GLI3: variants seen among roughly 807,000 people sequenced by gnomAD.
GLI3 encodes transcription activator GLI3.
A neutral mutation model predicts 100.8 loss-of-function variants in GLI3; 20 were observed. The ratio of observed to expected loss-of-function variants is 0.20; its 90% confidence interval spans 0.14 to 0.29. The LOEUF is 0.29. Among genes scored for constraint, GLI3 ranks in the 10% least tolerant of loss-of-function variants. GLI3 has a pLI of 1.00. For missense variants in GLI3, 2,040 were observed against 2,128.5 expected, an observed-to-expected ratio of 0.96 and a Z score of 0.82; for synonymous variants, 938 against 860.5, an observed-to-expected ratio of 1.09 and a Z score of -1.58.
chr7:42,086,919 A>G (rs1357707004), intron 3 of GLI3, among the ~76,000 whole-genome samples: 1 of 152,176 alleles, frequency 6.6e-6, no homozygotes, highest in Non-Finnish European at 1.5e-5. Flanking sequence ...CAACACAGCC[A>G]TGGGGGTGAG....
Position 42,026,248 on chromosome 7 carries a change from G to T in GLI3, c.1193C>A (p.Thr398Lys), listed in dbSNP as rs529978440. The T allele has an allele frequency of 6.2e-7, 1 of 1,613,982 alleles. No homozygotes were observed. Among genetic ancestry groups the T allele is most frequent in the East Asian group, 2.2e-5 (1 of 44,874 alleles). ...PTQRPIPGIP[T>K]VLNPVQVSSG... ...GCTGACCTGGACGGGGTTCAGAACC[G>T]TAGGGATCCCTGGAATAGGCCTCTG... The change falls in exon 8 of 15, where the codon ACG becomes AAG. Residue 398 changes from threonine (T) to lysine (K), a missense_variant. By Grantham distance (78) the Thr-to-Lys change is moderately conservative. Coordinates refer to ENST00000395925, the MANE Select transcript of GLI3 (RefSeq NM_000168.6).
At chr7:42,001,989 C>A (rs552464009) in intron 10 of GLI3, among the ~76,000 whole-genome samples, 2 of 151,936 alleles carry the variant, frequency 1.3e-5, no homozygotes, top group Non-Finnish European at 2.9e-5. Context: ...TAAGCAAAAA[C>A]ACTATTTTTA....
intron 2 of GLI3, among the ~76,000 whole-genome samples, chr7:42,215,231 G>A (rs529026150): frequency 2.0e-4 from 31 of 152,064 alleles, no homozygotes; most frequent in African/African-American, 6.5e-4. Context: ...GTGAACTTAC[G>A]GATTTTCAAA....
At chr7:42,237,446 G>A (rs1370885068), upstream of GLI3, among the ~76,000 whole-genome samples, 1 of 152,018 alleles carries the variant, frequency 6.6e-6, no homozygotes, top group Non-Finnish European at 1.5e-5. Flanking sequence ...CTGGTGCCCC[G>A]TGCTGGGTGG....
intron 3 of GLI3, 96 bp from the exon 4 acceptor site, chr7:42,076,953 T>C: frequency 2.6e-6 from 2 of 762,262 alleles, no homozygotes; most frequent in Non-Finnish European, 4.7e-6. Context: ...GTATCTTCAC[T>C]ACCTACACTT....
At chr7:42,216,144 A>G (rs1032634877) in intron 2 of GLI3, among the ~76,000 whole-genome samples, 1 of 152,168 alleles carries the variant, frequency 6.6e-6, no homozygotes, top group Non-Finnish European at 1.5e-5. Context: ...CCTGGCTTCT[A>G]ACTGCACAAC....
chr7:42,216,422 T>A (rs1583655004), intron 2 of GLI3, among the ~76,000 whole-genome samples: 1 of 152,172 alleles, frequency 6.6e-6, no homozygotes. Context: ...GTGGTGGATA[T>A]GTGACATACA....
intron 2 of GLI3, among the ~76,000 whole-genome samples, chr7:42,202,151 G>T (rs945082824): frequency 1.3e-5 from 2 of 150,264 alleles, no homozygotes; most frequent in African/African-American, 4.9e-5. Flanking sequence ...GTCCATTGTT[G>T]ATCCATCATC....
Position 41,964,649 on chromosome 7 carries a change from T to C in GLI3, c.4424A>G (p.Lys1475Arg), listed in dbSNP as rs771312835. 2 of 1,614,012 alleles carry C rather than the reference T, an allele frequency of 1.2e-6. No individual in the cohort carries two copies. The highest frequency in any genetic ancestry group is 1.7e-6 in the Non-Finnish European group (2 of 1,179,948). Residue 1475 changes from lysine to arginine, a missense_variant, in exon 15 of 15, where the codon AAA becomes AGA. Physicochemically the swap from Lys to Arg is conservative, Grantham distance 26. This residue lies in a region of GLI3 where 1,041 missense variants were observed against 924.0 expected (regional missense o/e 1.13). Transcript: ENST00000395925. ...ASCLLQGTSA[K>R]NSELLSPGAN... ...ACCTGGGGAAAGTAACTCAGAGTTT[T>C]TGGCGCTGGTCCCCTGTAGCAGGCA...
At chr7:42,172,030 G>A (rs1583619701) in intron 2 of GLI3, among the ~76,000 whole-genome samples, 1 of 152,070 alleles carries the variant, frequency 6.6e-6, no homozygotes, top group Admixed American at 6.6e-5. Context: ...TCATGCATGA[G>A]ATCTCAGCTA....
At chr7:42,228,067 G>GTT (rs1788617944) in intron 1 of GLI3, among the ~76,000 whole-genome samples, 2 of 152,200 alleles carry the variant, frequency 1.3e-5, no homozygotes, top group African/African-American at 4.8e-5. Flanking sequence ...CCCTGCCCGA[G>GTT]GTCCCAGGCC....
chr7:42,032,130 A>G (rs2128735060), intron 7 of GLI3, among the ~76,000 whole-genome samples: 1 of 152,312 alleles, frequency 6.6e-6, no homozygotes, highest in Non-Finnish European at 1.5e-5. Context: ...TAAAAGGAAA[A>G]CTGCTAAGCA....
chr7:42,150,379 A>C (rs1193566930), intron 2 of GLI3, among the ~76,000 whole-genome samples: 1 of 152,228 alleles, frequency 6.6e-6, no homozygotes, highest in Non-Finnish European at 1.5e-5. Flanking sequence ...GAAAATTCAC[A>C]GTCTATAGAA....
At chr7:42,124,539 A>G (rs1786079951) in intron 3 of GLI3, among the ~76,000 whole-genome samples, 1 of 152,192 alleles carries the variant, frequency 6.6e-6, no homozygotes, top group African/African-American at 2.4e-5. Flanking sequence ...TGACCAAGGG[A>G]TGAAAAGCGT....
chr7:42,134,104 AAT>A (rs1786366629), intron 3 of GLI3, among the ~76,000 whole-genome samples: 1 of 151,912 alleles, frequency 6.6e-6, no homozygotes. Flanking sequence ...AAGAAAAAAA[AAT>A]CCTATTGGCA....
intron 1 of GLI3, among the ~76,000 whole-genome samples, chr7:42,254,867 T>C (rs974583343): frequency 3.3e-5 from 5 of 152,162 alleles, no homozygotes; most frequent in African/African-American, 1.2e-4. Context: ...TGACCTGTAG[T>C]GAGTGATTTT....
At position 42,038,066 on chromosome 7, in the gene GLI3, T is replaced by C. The variant is rs1322631840; in HGVS notation, c.1028+1972A>G. Among the ~76,000 whole-genome samples, 3 of 152,246 alleles carry C rather than the reference T, an allele frequency of 2.0e-5. No homozygotes were observed. The East Asian group carries it at 5.8e-4, about 29-fold the overall frequency. ...ATGAAGTGATTTTGTGTGTTATCTT[T>C]CTGACTATCACTGTGTGCCACATTT... On this transcript the variant is annotated intron_variant, in intron 7 of 14. Coordinates refer to ENST00000395925, the MANE Select transcript of GLI3 (RefSeq NM_000168.6).
intron 1 of GLI3, among the ~76,000 whole-genome samples, chr7:42,236,514 G>T (rs1471871613): frequency 6.6e-6 from 1 of 152,122 alleles, no homozygotes; most frequent in Non-Finnish European, 1.5e-5. Flanking sequence ...GGAGGTCCCC[G>T]CGCGCACCCA....
At chr7:42,027,706 C>A (rs570849094) in intron 7 of GLI3, among the ~76,000 whole-genome samples, 6 of 152,134 alleles carry the variant, frequency 3.9e-5, no homozygotes, top group African/African-American at 9.7e-5. Context: ...CAATAGCTTG[C>A]CCATTTAAGA....
Sources: gnomAD v4.1 joint callset for allele counts (sites outside exome capture counted in the v4.1 genomes callset) on GRCh38, gnomAD v4.1.1 for gene constraint, gnomAD v4.1.1 regional missense constraint, MANE v1.5 for transcripts, NCBI Gene and HGNC (gene_info 2026-07-23, HGNC 2026-07-21) for gene names.